The following CSAD variants were observed in gnomAD, a reference collection of about 807,000 sequenced individuals.
CSAD encodes the protein cysteine sulfinic acid decarboxylase.
CSAD carries 47 observed loss-of-function variants against 61.5 expected under a neutral mutation model. That is an observed-to-expected ratio of 0.76 (90% CI 0.60 to 0.97). The LOEUF is 0.97. Ranked by LOEUF, CSAD falls within the 50% of genes least tolerant of loss-of-function variation. The pLI is 0.00. For synonymous variants in CSAD, 245 were observed against 252.7 expected (o/e 0.97, Z 0.29); for missense variants, 611 against 643.6 (o/e 0.95, Z 0.55).
At chr12:53,165,446 G>A (rs997707877) in intron 10 of CSAD, among the ~76,000 whole-genome samples, 2 of 151,838 alleles carry the variant, frequency 1.3e-5, no homozygotes, top group African/African-American at 4.8e-5. Context: ...GGATCACAAG[G>A]TTGGGAGATC....
At chr12:53,180,085 T>A in intron 1 of CSAD, 4 of 1,387,388 alleles carry the variant, frequency 2.9e-6, no homozygotes, top group Non-Finnish European at 3.7e-6. Flanking sequence ...GGGCTGGGGC[T>A]TTGACTTCTG....
chr12:53,164,304 C>T (rs1939632996), intron 10 of CSAD: 1 of 166,034 alleles, frequency 6.0e-6, no homozygotes, highest in Admixed American at 6.0e-5. Flanking sequence ...AGTGAAAAGT[C>T]CAATAGCAAA....
intron 15 of CSAD, 48 bp from the exon 16 acceptor site, chr12:53,159,760 G>A (rs754068334): frequency 9.0e-6 from 14 of 1,548,042 alleles, no homozygotes; most frequent in East Asian, 2.3e-5. Flanking sequence ...AAGGGGGACC[G>A]TTTTCCCTCT....
At chr12:53,160,362 C>G (rs367822308) in intron 13 of CSAD, 43 bp from the exon 14 acceptor site, 3 of 1,587,622 alleles carry the variant, frequency 1.9e-6, no homozygotes, top group Admixed American at 3.3e-5. Context: ...CCCTCTCCAC[C>G]GAGGCTTTCC....
At chr12:53,173,802 A>C in intron 2 of CSAD, 32 bp from the exon 3 acceptor site, 1 of 1,610,190 alleles carries the variant, frequency 6.2e-7, no homozygotes, top group Non-Finnish European at 8.5e-7. Flanking sequence ...TGGCAGAGGA[A>C]GTGGGGTGAA....
chr12:53,173,517 C>G lies in CSAD; in HGVS notation c.-6-41G>C, dbSNP rs373181616. 193 of 1,613,642 alleles carry G rather than the reference C, an allele frequency of 1.2e-4. 2 individuals are homozygous for G. The South Asian group carries it at 1.7e-3, about 14-fold the overall frequency. ...GTCATTCCCTACTCAGCCTGTCAAC[C>G]CTTCCCGGACCTACCCAGCAGGAGC... is the stretch of plus-strand genomic sequence containing the variant. On this transcript the variant is annotated intron_variant, in intron 3 of 16. Coordinates refer to ENST00000444623, the MANE Select transcript of CSAD (RefSeq NM_001244705.2).
Position 53,163,363 on chromosome 12 carries a change from C to T in CSAD, c.703-1974G>A, listed in dbSNP as rs186037368. ...CTCCAGCCTCAGCAACAGAGCAAGA[C>T]CCTGTCTCCATTTTTTTTAAGTTAA... On this transcript the variant is annotated intron_variant, in intron 10 of 16. Coordinates refer to ENST00000444623, the MANE Select transcript of CSAD (RefSeq NM_001244705.2). Among the ~76,000 whole-genome samples, 545 of 152,304 alleles carry T rather than the reference C, an allele frequency of 3.6e-3. 2 individuals are homozygous for T. Among genetic ancestry groups the T allele is most frequent in the Non-Finnish European group, 5.4e-3 (366 of 68,026 alleles).
At chr12:53,175,614 A>G (rs1235337386) in intron 2 of CSAD, among the ~76,000 whole-genome samples, 1 of 152,326 alleles carries the variant, frequency 6.6e-6, no homozygotes, top group Middle Eastern at 3.4e-3. Flanking sequence ...GGGACCCCTC[A>G]AATGTTAGTT....
chr12:53,161,249 C>A lies in CSAD; in HGVS notation c.819+24G>T, dbSNP rs1029239465. 3 of 1,613,518 alleles carry A rather than the reference C, an allele frequency of 1.9e-6. No homozygotes were observed. In the South Asian group the frequency reaches 3.3e-5, roughly 18 times the overall value. The stretch of plus-strand genomic sequence containing the variant: ...CCTTGGCTCAGCCCACCCCACCGCA[C>A]CCCCAAGCCGAAGTCCCACTCACAT... On this transcript the variant is annotated intron_variant, in intron 11 of 16. Coordinates refer to ENST00000444623, the MANE Select transcript of CSAD (RefSeq NM_001244705.2).
intron 10 of CSAD, among the ~76,000 whole-genome samples, chr12:53,163,681 AAT>A (rs34854968): frequency 0.11 from 17,053 of 152,266 alleles, 1,240 homozygotes; most frequent in Non-Finnish European, 0.17. Flanking sequence ...AATAAATGAA[AAT>A]ATGTTTCATG....
intron 10 of CSAD, among the ~76,000 whole-genome samples, chr12:53,164,034 G>A (rs1939604268): frequency 6.6e-6 from 1 of 152,186 alleles, no homozygotes; most frequent in Non-Finnish European, 1.5e-5. Context: ...AATGGTGTTG[G>A]AACAACTGGA....
chr12:53,165,395 T>C (rs1174013798), intron 10 of CSAD, among the ~76,000 whole-genome samples: 1 of 149,414 alleles, frequency 6.7e-6, no homozygotes, highest in Non-Finnish European at 1.5e-5. Flanking sequence ...GCGCGGTGGC[T>C]CACGCCTGTG....
At chr12:53,168,559 C>T (rs184879164) in intron 10 of CSAD, among the ~76,000 whole-genome samples, 19 of 152,132 alleles carry the variant, frequency 1.2e-4, no homozygotes, top group East Asian at 3.9e-4. Context: ...CCATTCTATA[C>T]GGCAATTTGC....
In CSAD at chr12:53,176,422, C is replaced by A. The variant is rs540787467; in HGVS notation, c.-49-2652G>T. Among the ~76,000 whole-genome samples the A allele has an allele frequency of 2.3e-3, 326 of 144,200 alleles. 2 individuals carry two copies. Among genetic ancestry groups the A allele is most frequent in the African/African-American group, 8.0e-3 (311 of 38,870 alleles). The allele number at this position is 144,200 out of a possible 152,430, so 94.6% of individuals were successfully genotyped here. A position where few individuals can be genotyped will look rare whatever the true frequency, so the allele number is the denominator to read the frequency against. On this transcript the variant is annotated intron_variant, in intron 2 of 16. Transcript: ENST00000444623. ...CAAAATTCCATCTCAAAAAAAAAAA[C>A]AAGAATACCAGAAGGGGCTGGGAGC...
intron 4 of CSAD, 23 bp from the exon 5 acceptor site, chr12:53,172,671 TG>T: frequency 1.3e-6 from 2 of 1,593,956 alleles, no homozygotes. Context: ...CCGGGGATGC[TG>T]GGGGCCTGGG....
In CSAD at chr12:53,173,730, C is replaced by T. The variant is rs775324279; in HGVS notation, c.-9G>A. Reference sequence around the variant, plus strand: ...ACCTAAGGCAGAGACAAGCTTACCTCTCTGCTCAGGAGAGCCGGAGGCAGG... The same window carrying T: ...ACCTAAGGCAGAGACAAGCTTACCTTTCTGCTCAGGAGAGCCGGAGGCAGG... On this transcript the variant is annotated splice_region_variant and 5_prime_UTR_variant, in exon 3 of 17. Coordinates refer to ENST00000444623, the MANE Select transcript of CSAD (RefSeq NM_001244705.2). The T allele has an allele frequency of 1.9e-6, 3 of 1,609,168 alleles. No individual in the cohort carries two copies. In the African/African-American group the frequency reaches 4.0e-5, roughly 21 times the overall value.
chr12:53,160,687 C>T, intron 13 of CSAD, 76 bp downstream of exon 13: 1 of 1,299,770 alleles, frequency 7.7e-7, no homozygotes, highest in South Asian at 1.3e-5. Context: ...AAGGCCTGAA[C>T]TTTATCTAAG....
intron 2 of CSAD, among the ~76,000 whole-genome samples, chr12:53,175,918 C>A (rs1210375328): frequency 6.6e-6 from 1 of 152,172 alleles, no homozygotes; most frequent in East Asian, 1.9e-4. Context: ...AGAAGGTGAA[C>A]TAATTGTCCA....
At position 53,172,660 on chromosome 12, in the gene CSAD, G is replaced by C. The variant is rs1207734138; in HGVS notation, c.127-12C>G. 6 of 1,600,172 alleles carry C rather than the reference G, an allele frequency of 3.7e-6. No homozygotes were observed. Among genetic ancestry groups the C allele is most frequent in the Non-Finnish European group, 5.1e-6 (6 of 1,175,262 alleles). On this transcript the variant is annotated splice_polypyrimidine_tract_variant and intron_variant, in intron 4 of 16. Coordinates refer to ENST00000444623, the MANE Select transcript of CSAD (RefSeq NM_001244705.2). ...TTCCACTCACAGACCTAGGAAGAGA[G>C]CCGGGGATGCTGGGGGCCTGGGATG...
Sources: allele counts gnomAD v4.1 joint callset (sites outside exome capture counted in the v4.1 genomes callset), GRCh38; gene constraint gnomAD v4.1.1; transcripts MANE v1.5; gene names NCBI Gene and HGNC (gene_info 2026-07-23, HGNC 2026-07-21).